CARMIL1: variants seen among roughly 807,000 people sequenced by gnomAD.
CARMIL1 encodes capping protein regulator and myosin 1 linker 1, also known as F-actin-uncapping protein LRRC16A.
A neutral mutation model predicts 177.1 loss-of-function variants in CARMIL1; 90 were observed. The observed-to-expected ratio is 0.51, with a 90% CI of 0.43 to 0.61. The LOEUF is 0.61. Among genes scored for constraint, CARMIL1 ranks in the 20% least tolerant of loss-of-function variants. The probability of loss-of-function intolerance (pLI) is 0.00; values close to 1 mark genes in which losing one functional copy is unlikely to be tolerated. For missense variants in CARMIL1, 1,380 were observed against 1,667.0 expected, an observed-to-expected ratio of 0.83 and a Z score of 3.00; for synonymous variants, 577 against 606.2, an observed-to-expected ratio of 0.95 and a Z score of 0.71.
At chr6:25,335,007 T>C (rs1273755214) in intron 2 of CARMIL1, among the ~76,000 whole-genome samples, 1 of 152,170 alleles carries the variant, frequency 6.6e-6, no homozygotes, top group Non-Finnish European at 1.5e-5. Flanking sequence ...TTTACAAAGG[T>C]TTCTATATAG....
At chr6:25,472,748 A>C (rs2150944412) in intron 11 of CARMIL1, 1 of 516,630 alleles carries the variant, frequency 1.9e-6, no homozygotes, top group East Asian at 3.3e-5. Context: ...GGAAGATATT[A>C]TTTTTAATAT....
Position 25,509,514 on chromosome 6 carries a change from CT to C in CARMIL1, c.1396-140del. 1 of 636,378 alleles carries C rather than the reference CT, an allele frequency of 1.6e-6. No individual in the cohort carries two copies. Among genetic ancestry groups the C allele is most frequent in the Non-Finnish European group, 2.8e-6 (1 of 362,680 alleles). 39.4% of individuals were successfully genotyped at this position (636,378 alleles called of 1,614,324 possible). On this transcript the variant is annotated intron_variant, in intron 17 of 36. Coordinates refer to ENST00000329474, the MANE Select transcript of CARMIL1 (RefSeq NM_017640.6). This position sits in a 1 kb window ranked among gnomAD's most constrained non-coding sequence, Gnocchi z 4.1. ...TAGGCTCTTTACCCACTGATAATAG[CT>C]TCTTTGGAGTTGATAAGCTTTTACT... is the stretch of plus-strand genomic sequence containing the variant.
At position 25,610,150 on chromosome 6, in the gene CARMIL1, C is replaced by A. The variant is rs199837533; in HGVS notation, c.3948C>A (p.Pro1316=). The change falls in exon 36 of 37, where the codon CCC becomes CCA. Residue 1316 remains proline (P), a synonymous_variant. Coordinates refer to ENST00000329474, the MANE Select transcript of CARMIL1 (RefSeq NM_017640.6). ...AAGAGAGAGATGGCCAGAGTAGCCC[C>A]CAGCCCAGCCCCAGGACATTTTCAC... ...SDKERDGQSS[P]QPSPRTFSQE... 7.9e-4 allele frequency: 1,271 copies of A among 1,613,688 alleles called. 2 individuals carry two copies. The highest frequency in any genetic ancestry group is 1.0e-3 in the Non-Finnish European group (1,190 of 1,179,820).
At chr6:25,529,846 T>C (rs1198262675) in intron 24 of CARMIL1, among the ~76,000 whole-genome samples, 2 of 150,052 alleles carry the variant, frequency 1.3e-5, no homozygotes, top group East Asian at 1.9e-4. Flanking sequence ...ACAATTAAAA[T>C]TGTGATACTG....
At position 25,509,638 on chromosome 6, in the gene CARMIL1, TG is replaced by T; in HGVS notation, c.1396-16del. On this transcript the variant is annotated splice_polypyrimidine_tract_variant and intron_variant, in intron 17 of 36. Coordinates refer to ENST00000329474, the MANE Select transcript of CARMIL1 (RefSeq NM_017640.6). The surrounding 1 kb of genome is among the most constrained non-coding windows in gnomAD (Gnocchi z 4.1). ...TAGAGTGAAGACTTTACTTTGTGTT[TG>T]GTTTGTGTTTCTCTAGCTGAGATCA... 1 of 1,564,342 alleles carries T rather than the reference TG, an allele frequency of 6.4e-7. No homozygotes were observed.
intron 8 of CARMIL1, among the ~76,000 whole-genome samples, chr6:25,458,834 C>T (rs932062768): frequency 6.6e-6 from 1 of 152,118 alleles, no homozygotes; most frequent in African/African-American, 2.4e-5. Context: ...TTATACCTCT[C>T]TTCTGGGGTA....
At chr6:25,461,499 T>C (rs1172775761) in intron 8 of CARMIL1, among the ~76,000 whole-genome samples, 1 of 152,256 alleles carries the variant, frequency 6.6e-6, no homozygotes, top group Non-Finnish European at 1.5e-5. Flanking sequence ...ATGGGTGAGC[T>C]TTCCATGAGA....
At chr6:25,562,889 T>C (rs967851168) in intron 29 of CARMIL1, among the ~76,000 whole-genome samples, 2 of 152,234 alleles carry the variant, frequency 1.3e-5, no homozygotes, top group African/African-American at 4.8e-5. Context: ...TCTTATGAGC[T>C]TAATTTTGAC....
chr6:25,366,445 C>A (rs1789809516), intron 2 of CARMIL1, among the ~76,000 whole-genome samples: 1 of 151,788 alleles, frequency 6.6e-6, no homozygotes, highest in African/African-American at 2.4e-5. Context: ...AATTGTAACA[C>A]CTCACCCTCA....
chr6:25,416,235 A>C (rs1362182754), intron 2 of CARMIL1, among the ~76,000 whole-genome samples: 1 of 152,142 alleles, frequency 6.6e-6, no homozygotes, highest in Non-Finnish European at 1.5e-5. Context: ...TCTGGCTTTA[A>C]AGCTCCATGA....
intron 2 of CARMIL1, among the ~76,000 whole-genome samples, chr6:25,302,873 T>G (rs1782971718): frequency 6.6e-6 from 1 of 152,202 alleles, no homozygotes; most frequent in South Asian, 2.1e-4. Flanking sequence ...CTACACTCAA[T>G]GACTAACCCA....
chr6:25,435,346 G>A (rs1437768918), intron 4 of CARMIL1, 137 bp from the exon 5 acceptor site: 3 of 967,378 alleles, frequency 3.1e-6, no homozygotes, highest in Admixed American at 3.5e-5. Context: ...TGCTACCCTC[G>A]AACCTTGTTA....
At chr6:25,334,312 T>A (rs1008794134) in intron 2 of CARMIL1, among the ~76,000 whole-genome samples, 2 of 152,244 alleles carry the variant, frequency 1.3e-5, no homozygotes, top group Non-Finnish European at 2.9e-5. Context: ...CTTATACCGA[T>A]TAATTACTTA....
intron 2 of CARMIL1, among the ~76,000 whole-genome samples, chr6:25,302,310 T>A (rs1279380581): frequency 3.3e-5 from 5 of 152,202 alleles, no homozygotes; most frequent in Non-Finnish European, 7.4e-5. Flanking sequence ...CAGAATACTT[T>A]ACATTGTTGC....
intron 2 of CARMIL1, among the ~76,000 whole-genome samples, chr6:25,319,764 CTTTTTT>C (rs10625095): frequency 6.7e-5 from 8 of 118,700 alleles, no homozygotes; most frequent in Admixed American, 1.9e-4. Context: ...CATTTGGTCA[CTTTTTT>C]TTTTTTTTTT....
rs185449454 is a variant in CARMIL1 at position 25,460,142 on chromosome 6, A to G, written c.615-5731A>G. Among the ~76,000 whole-genome samples, 131 of 152,358 alleles carry G rather than the reference A, an allele frequency of 8.6e-4. 2 individuals carry two copies. In the East Asian group the frequency reaches 0.017, roughly 20 times the overall value. On this transcript the variant is annotated intron_variant, in intron 8 of 36. Transcript: ENST00000329474. ...GATCTGTCCTGCCATAAACTCCACC[A>G]GGGAAAATCAGGTAGTCCTTTGCAG...
At chr6:25,526,957 T>C (rs904869620) in intron 23 of CARMIL1, among the ~76,000 whole-genome samples, 1 of 152,186 alleles carries the variant, frequency 6.6e-6, no homozygotes, top group Non-Finnish European at 1.5e-5. Flanking sequence ...ACTTTTACTC[T>C]ACTGAAGAAA....
In CARMIL1 at chr6:25,558,276, A is replaced by G. The variant is rs1810803819; in HGVS notation, c.2742+1426A>G. ...ACCAGATTTATTTGGTCATGTGTAAATTGGAAAAGGGTGAAGGAAAAAACA... is the reference window on the plus strand; with the variant it reads ...ACCAGATTTATTTGGTCATGTGTAAGTTGGAAAAGGGTGAAGGAAAAAACA... On this transcript the variant is annotated intron_variant, in intron 29 of 36. Transcript: ENST00000329474. This position sits in a 1 kb window ranked among gnomAD's most constrained non-coding sequence, Gnocchi z 4.1. 6.6e-6 allele frequency among the ~76,000 whole-genome samples: 1 copy of G among 152,240 alleles called. No individual in the cohort carries two copies. The highest frequency in any genetic ancestry group is 1.5e-5 in the Non-Finnish European group (1 of 68,032).
In CARMIL1 at chr6:25,600,388, G is replaced by T. The variant is rs201222475; in HGVS notation, c.3194G>T (p.Arg1065Leu). The T allele has an allele frequency of 6.2e-7, 1 of 1,613,954 alleles. No homozygotes were observed. The highest frequency in any genetic ancestry group is 1.6e-4 in the Middle Eastern group (1 of 6,062). ...GATGAAAAGAAAAAGCGAGATTCTC[G>T]GAAAAGTAGTGGCTTTCTCAATTTA... ...GGDEKKKRDS[R>L]KSSGFLNLIK... The change falls in exon 33 of 37, where the codon CGG becomes CTG. Residue 1065 changes from arginine (R) to leucine (L), a missense_variant. Coordinates refer to ENST00000329474, the MANE Select transcript of CARMIL1 (RefSeq NM_017640.6).
Sources: allele counts gnomAD v4.1 joint callset (sites outside exome capture counted in the v4.1 genomes callset), GRCh38; gene constraint gnomAD v4.1.1; non-coding constraint Gnocchi (gnomAD v3.1); transcripts MANE v1.5; gene names NCBI Gene and HGNC (gene_info 2026-07-23, HGNC 2026-07-21).